The following CORIN variants were observed in gnomAD, a reference collection of about 807,000 sequenced individuals.
CORIN encodes the protein corin, serine peptidase, also known as atrial natriuretic peptide-converting enzyme.
CORIN carries 117 observed loss-of-function variants against 125.3 expected under a neutral mutation model. That is an observed-to-expected ratio of 0.93 (90% CI 0.80 to 1.09). The LOEUF is 1.09. Among genes scored for constraint, CORIN ranks in the 50% least tolerant of loss-of-function variants. The pLI, the probability that CORIN is intolerant of heterozygous loss-of-function variation, is 0.00. For synonymous variants in CORIN, 450 were observed against 466.4 expected, an observed-to-expected ratio of 0.96 and a Z score of 0.45; for missense variants, 1,253 against 1,306.7, an observed-to-expected ratio of 0.96 and a Z score of 0.63.
chr4:47,600,150 T>A, intron 21 of CORIN, 64 bp downstream of exon 21: 1 of 1,469,480 alleles, frequency 6.8e-7, no homozygotes, highest in South Asian at 1.3e-5. Flanking sequence ...TAATAATGAG[T>A]TTATAGGAAT....
Position 47,595,855 on chromosome 4 carries a change from T to C in CORIN, c.2995A>G (p.Thr999Ala). ...LVCEKPGGRW[T>A]LFGLTSWGSV... ...CCCCATGAAGTTAATCCAAATAATG[T>C]CCACCGTCCTCCAGGCTTCTCACAA... Residue 999 changes from threonine (T) to alanine (A), a missense_variant, in exon 22 of 22, where the codon ACA becomes GCA. Physicochemically the swap from Thr to Ala is moderately conservative, Grantham distance 58. Transcript: ENST00000273857. 1 of 1,613,634 alleles carries C rather than the reference T, an allele frequency of 6.2e-7. No individual in the cohort carries two copies. Among genetic ancestry groups the C allele is most frequent in the East Asian group, 2.2e-5 (1 of 44,872 alleles).
At chr4:47,692,847 A>G in intron 6 of CORIN, 123 bp downstream of exon 6, 3 of 722,188 alleles carry the variant, frequency 4.2e-6, no homozygotes, top group Non-Finnish European at 4.9e-6. Flanking sequence ...ATTCTGGGGG[A>G]AGATAAACAC....
chr4:47,793,540 C>G (rs113973036), intron 2 of CORIN, among the ~76,000 whole-genome samples: 2,108 of 152,208 alleles, frequency 0.014, 63 homozygotes, highest in African/African-American at 0.048. Flanking sequence ...GAAAGTAGTA[C>G]TCAACACTGA....
intron 3 of CORIN, among the ~76,000 whole-genome samples, chr4:47,766,345 T>C (rs936847993): frequency 6.6e-6 from 1 of 152,150 alleles, no homozygotes; most frequent in Non-Finnish European, 1.5e-5. Context: ...TGGCCCAAGA[T>C]AGTGAAATCT....
chr4:47,786,261 G>A (rs1198961963), intron 3 of CORIN, among the ~76,000 whole-genome samples: 3 of 151,696 alleles, frequency 2.0e-5, no homozygotes, highest in East Asian at 1.9e-4. Flanking sequence ...TCAGCAGGGC[G>A]CGGTGGCTCA....
At chr4:47,804,293 T>G (rs907426415) in intron 2 of CORIN, among the ~76,000 whole-genome samples, 1 of 152,194 alleles carries the variant, frequency 6.6e-6, no homozygotes, top group Non-Finnish European at 1.5e-5. Context: ...AAAGAACAGT[T>G]TGGACATTCC....
intron 10 of CORIN, among the ~76,000 whole-genome samples, chr4:47,670,810 T>C (rs1724717614): frequency 6.6e-6 from 1 of 152,200 alleles, no homozygotes; most frequent in African/African-American, 2.4e-5. Flanking sequence ...TTCCTGCTCC[T>C]ACCCTCAAAG....
Position 47,600,287 on chromosome 4 carries a change from T to A in CORIN, c.2873A>T (p.Tyr958Phe), listed in dbSNP as rs765778629. 1 of 1,613,796 alleles carries A rather than the reference T, an allele frequency of 6.2e-7. No individual in the cohort carries two copies. Among genetic ancestry groups the A allele is most frequent in the East Asian group, 2.2e-5 (1 of 44,878 alleles). The change falls in exon 21 of 22, where the codon TAC becomes TTC. Residue 958 changes from tyrosine to phenylalanine, a missense_variant. Tyr to Phe is a conservative substitution (Grantham distance 22, BLOSUM62 3). Coordinates refer to ENST00000273857, the MANE Select transcript of CORIN (RefSeq NM_006587.4). ...RIISLEHCQS[Y>F]FDMKTITTRM... Reference sequence around the variant, plus strand: ...AGTGGTGATGGTCTTCATGTCAAAGTAGGACTGACAATGTTCCAGAGAAAT... The same window carrying A: ...AGTGGTGATGGTCTTCATGTCAAAGAAGGACTGACAATGTTCCAGAGAAAT...
intron 5 of CORIN, among the ~76,000 whole-genome samples, chr4:47,739,410 A>G (rs1728281374): frequency 6.6e-6 from 1 of 152,072 alleles, no homozygotes; most frequent in Admixed American, 6.5e-5. Context: ...AAGTGCTGAA[A>G]ATAAAAGACT....
chr4:47,807,272 C>T (rs553331006), intron 1 of CORIN, among the ~76,000 whole-genome samples: 4 of 152,244 alleles, frequency 2.6e-5, no homozygotes, highest in East Asian at 1.9e-4. Context: ...AAACATTTTT[C>T]GGAAGTACAT....
At chr4:47,663,234 T>A (rs1263769064) in intron 11 of CORIN, among the ~76,000 whole-genome samples, 4 of 152,188 alleles carry the variant, frequency 2.6e-5, no homozygotes, top group African/African-American at 9.6e-5. Flanking sequence ...TGATACACAC[T>A]TCAAAAGGTT....
intron 13 of CORIN, among the ~76,000 whole-genome samples, chr4:47,648,834 C>A (rs1212391050): frequency 1.3e-5 from 2 of 152,190 alleles, no homozygotes; most frequent in African/African-American, 2.4e-5. Flanking sequence ...CATCCTGGAC[C>A]AGTGTCTGCC....
chr4:47,781,212 T>C (rs997684394), intron 3 of CORIN, among the ~76,000 whole-genome samples: 2 of 152,082 alleles, frequency 1.3e-5, no homozygotes, highest in African/African-American at 4.8e-5. Context: ...AAGACACAAA[T>C]AGGTTGTAAG....
intron 5 of CORIN, among the ~76,000 whole-genome samples, chr4:47,716,317 A>G (rs1461472098): frequency 1.3e-5 from 2 of 152,208 alleles, no homozygotes; most frequent in African/African-American, 4.8e-5. Context: ...CACACACCTC[A>G]GCTTTGGTTT....
intron 4 of CORIN, among the ~76,000 whole-genome samples, chr4:47,747,174 C>T (rs1357518735): frequency 2.6e-5 from 4 of 152,066 alleles, no homozygotes; most frequent in Non-Finnish European, 5.9e-5. Flanking sequence ...ATATTATTCC[C>T]TTCCTACAAT....
chr4:47,789,167 G>A (rs528990667), intron 2 of CORIN, among the ~76,000 whole-genome samples: 41 of 152,224 alleles, frequency 2.7e-4, no homozygotes, highest in African/African-American at 9.4e-4. Context: ...AGCTGGGCAT[G>A]GTGGCGGGCA....
At chr4:47,721,396 A>T (rs2109797689) in intron 5 of CORIN, among the ~76,000 whole-genome samples, 2 of 152,150 alleles carry the variant, frequency 1.3e-5, no homozygotes, top group South Asian at 4.1e-4. Context: ...CAGACACCCA[A>T]GTAGCTGTGA....
At chr4:47,744,110 T>C (rs1284957020) in intron 5 of CORIN, among the ~76,000 whole-genome samples, 2 of 152,214 alleles carry the variant, frequency 1.3e-5, no homozygotes, top group Admixed American at 1.3e-4. Flanking sequence ...TTTTAAAAAG[T>C]TACATATTGT....
intron 4 of CORIN, among the ~76,000 whole-genome samples, chr4:47,746,195 T>C (rs1728656203): frequency 6.6e-6 from 1 of 152,228 alleles, no homozygotes; most frequent in African/African-American, 2.4e-5. Context: ...TTAGCGAATA[T>C]ACTTTCTCAA....
Sources: gnomAD v4.1 joint callset for allele counts (sites outside exome capture counted in the v4.1 genomes callset) on GRCh38, gnomAD v4.1.1 for gene constraint, MANE v1.5 for transcripts, NCBI Gene and HGNC (gene_info 2026-07-23, HGNC 2026-07-21) for gene names.